Variants in RPL18 observed in about 807,000 individuals in gnomAD.
The protein encoded by RPL18 is large ribosomal subunit protein eL18.
RPL18 carries 4 observed loss-of-function variants against 25.0 expected under a neutral mutation model. The observed-to-expected ratio is 0.16, with a 90% confidence interval of 0.08 to 0.37. The LOEUF (loss-of-function observed/expected upper bound fraction) is 0.37. RPL18 is among the 10% of genes least tolerant of loss of function. The probability of loss-of-function intolerance (pLI) is 1.00; values close to 1 mark genes in which losing one functional copy is unlikely to be tolerated. For missense variants in RPL18, 179 were observed against 267.9 expected (o/e 0.67, Z 2.32); for synonymous variants, 129 against 101.6 (o/e 1.27, Z -1.62).
chr19:48,616,200 T>C lies in RPL18; in HGVS notation c.300A>G (p.Val100=), dbSNP rs1974166579. 5.6e-6 allele frequency: 9 copies of C among 1,613,616 alleles called. No homozygotes were observed. Among genetic ancestry groups the C allele is most frequent in the Non-Finnish European group, 7.6e-6 (9 of 1,179,956 alleles). Residue 100 remains valine (V), a splice_region_variant and synonymous_variant, in exon 5 of 7, where the codon GTA becomes GTG. Transcript: ENST00000549920. Reference sequence around the variant, plus strand: ...CCCGGCTGGTCACGCGCAGTGCACATACCTGGTGGAGAGGACAAGGCTGGC... The same window carrying C: ...CCCGGCTGGTCACGCGCAGTGCACACACCTGGTGGAGAGGACAAGGCTGGC... ...VRVQEVPKLK[V]CALRVTSRAR...
chr19:48,616,801 G>T lies in RPL18; in HGVS notation c.222C>A (p.Gly74=). 1 of 1,613,662 alleles carries T rather than the reference G, an allele frequency of 6.2e-7. No homozygotes were observed. Among genetic ancestry groups the T allele is most frequent in the Non-Finnish European group, 8.5e-7 (1 of 1,179,816 alleles). Residue 74 remains glycine (G), a synonymous_variant, in exon 4 of 7, where the codon GGC becomes GGA. Coordinates refer to ENST00000549920, the MANE Select transcript of RPL18 (RefSeq NM_000979.4). ...SRMIRKMKLP[G]RENKTAVVVG... is the part of the protein sequence containing the mutation. The stretch of plus-strand genomic sequence containing the variant: ...CAACCACGGCCGTCTTGTTTTCCCG[G>T]CCAGGAAGCTTCATCTTCCGGATCT...
intron 6 of RPL18, 39 bp downstream of exon 6, chr19:48,615,819 GGCCTGGCCCTGCAGGCTGA>G: frequency 6.7e-7 from 1 of 1,482,616 alleles, no homozygotes; most frequent in Admixed American, 1.9e-5. Context: ...AGTGTGGCCA[GGCCTGGCCCTGCAGGCTGA>G]GTCTGGGGAG....
intron 1 of RPL18, chr19:48,618,138 A>G (rs1017310545): frequency 1.2e-5 from 4 of 333,720 alleles, no homozygotes; most frequent in Non-Finnish European, 2.2e-5. Context: ...AAAAAGGTCA[A>G]TTCTTTACAA....
Position 48,615,925 on chromosome 19 carries a change from A to C in RPL18, c.443T>G (p.Val148Gly), listed in dbSNP as rs1344626086. The C allele has an allele frequency of 3.7e-6, 6 of 1,613,550 alleles. No homozygotes were observed. Among genetic ancestry groups the C allele is most frequent in the Non-Finnish European group, 4.2e-6 (5 of 1,179,782 alleles). Residue 148 changes from valine (V) to glycine (G), a missense_variant, in exon 6 of 7, where the codon GTG (valine) becomes GGG (glycine). Physicochemically the swap from Val to Gly is moderately radical, Grantham distance 109 (BLOSUM62 -3). Transcript: ENST00000549920. Reference sequence around the variant, plus strand: ...TGGGGCCTTGCCGAAATGCCGGTACACCTCTCGGCCCTTGCGAGGACCTAG... The same window carrying C: ...TGGGGCCTTGCCGAAATGCCGGTACCCCTCTCGGCCCTTGCGAGGACCTAG... ...LLSGPRKGRE[V>G]YRHFGKAPGT...
At position 48,617,309 on chromosome 19, in the gene RPL18, C is replaced by A. The variant is rs773039336; in HGVS notation, c.198+7G>T. ...GGTCTACCGTGCTCTCTGGACCAGC[C>A]ACTCACCATCCGGGAAAGGGACAGA... On this transcript the variant is annotated splice_region_variant and intron_variant, in intron 3 of 6. Coordinates refer to ENST00000549920, the MANE Select transcript of RPL18 (RefSeq NM_000979.4). 17 of 1,610,744 alleles carry A rather than the reference C, an allele frequency of 1.1e-5. No individual in the cohort carries two copies. Among genetic ancestry groups the A allele is most frequent in the Non-Finnish European group, 1.4e-5 (17 of 1,176,896 alleles).
intron 6 of RPL18, 66 bp downstream of exon 6, chr19:48,615,811 T>C (rs1393046833): frequency 4.9e-6 from 7 of 1,414,568 alleles, no homozygotes; most frequent in African/African-American, 1.4e-5. Flanking sequence ...GCAGCCCAAG[T>C]GTGGCCAGGC....
chr19:48,616,448 G>A, intron 4 of RPL18: 1 of 656,468 alleles, frequency 1.5e-6, no homozygotes, highest in South Asian at 1.7e-5. Flanking sequence ...GTGCAGAGGT[G>A]ACAAAGGAGT....
chr19:48,617,995 C>A (rs182538312), intron 1 of RPL18, 118 bp from the exon 2 acceptor site: 2 of 708,310 alleles, frequency 2.8e-6, no homozygotes, highest in Non-Finnish European at 4.9e-6. Context: ...CAGCTCAAAT[C>A]CCAGGCCCAC....
chr19:48,617,993 A>C, intron 1 of RPL18, 116 bp from the exon 2 acceptor site: 1 of 727,632 alleles, frequency 1.4e-6, no homozygotes, highest in Non-Finnish European at 2.3e-6. Context: ...ACCAGCTCAA[A>C]TCCCAGGCCC....
chr19:48,618,192 G>C (rs186325285), intron 1 of RPL18: 2 of 235,054 alleles, frequency 8.5e-6, no homozygotes, highest in East Asian at 1.1e-4. Flanking sequence ...TCCCATACCC[G>C]GAGGGATAAC....
chr19:48,615,939 G>A lies in RPL18; in HGVS notation c.429C>T (p.Arg143=). 6.2e-7 allele frequency: 1 copy of A among 1,613,992 alleles called. No homozygotes were observed. Among genetic ancestry groups the A allele is most frequent in the Middle Eastern group, 1.7e-4 (1 of 6,060 alleles). Reference sequence around the variant, plus strand: ...AATGCCGGTACACCTCTCGGCCCTTGCGAGGACCTAGGGAAGGGGAAGGAG... The same window carrying A: ...AATGCCGGTACACCTCTCGGCCCTTACGAGGACCTAGGGAAGGGGAAGGAG... ...GCGTVLLSGP[R]KGREVYRHFG... Residue 143 remains arginine, a synonymous_variant, in exon 6 of 7, where the codon CGC becomes CGT. Coordinates refer to ENST00000549920, the MANE Select transcript of RPL18 (RefSeq NM_000979.4).
chr19:48,618,069 A>G (rs887263354), intron 1 of RPL18, 192 bp from the exon 2 acceptor site: 30 of 535,164 alleles, frequency 5.6e-5, no homozygotes, highest in African/African-American at 5.6e-4. Context: ...CAAAGCCTTC[A>G]GCCCATGGCA....
Position 48,615,341 on chromosome 19 carries a change from A to G in RPL18, c.*31T>C. ...ACACACACAGAGCACTGTCAGCAAA[A>G]ATCTTTTTAATAAGAGAGTAGGATC... On this transcript the variant is annotated 3_prime_UTR_variant, in exon 7 of 7. Coordinates refer to ENST00000549920, the MANE Select transcript of RPL18 (RefSeq NM_000979.4). 6.4e-7 allele frequency: 1 copy of G among 1,554,878 alleles called. No homozygotes were observed. Among genetic ancestry groups the G allele is most frequent in the Non-Finnish European group, 8.8e-7 (1 of 1,134,118 alleles).
At chr19:48,616,863 T>C (rs1974192441) in intron 3 of RPL18, 39 bp from the exon 4 acceptor site, 1 of 1,509,742 alleles carries the variant, frequency 6.6e-7, no homozygotes. Context: ...GTTGTTCTGG[T>C]GTTTACATTC....
At chr19:48,615,717 C>T in intron 6 of RPL18, 160 bp downstream of exon 6, 1 of 700,614 alleles carries the variant, frequency 1.4e-6, no homozygotes, top group Admixed American at 2.3e-5. Flanking sequence ...CAGCTCCAAG[C>T]AGTGTTGAAG....
chr19:48,618,881 T>C (rs1268712408), intron 1 of RPL18: 1 of 543,776 alleles, frequency 1.8e-6, no homozygotes, highest in Non-Finnish European at 3.3e-6. Context: ...GTCGGAATCC[T>C]GGCTCTGCCA....
At chr19:48,617,449 A>C in intron 2 of RPL18, 26 bp from the exon 3 acceptor site, 1 of 1,542,216 alleles carries the variant, frequency 6.5e-7, no homozygotes, top group East Asian at 2.2e-5. Flanking sequence ...GACAGTGAGA[A>C]GCTGGGACAG....
At position 48,616,643 on chromosome 19, in the gene RPL18, CCAGCACAGCA is replaced by C. The variant is rs58972118; in HGVS notation, c.297+73_297+82del. On this transcript the variant is annotated intron_variant, in intron 4 of 6. Transcript: ENST00000549920. ...CAGCGGTGGCAAGACTGAGGATGGA[CCAGCACAGCA>C]CAGCACAGCACAGCACAGCACAGCA... 2,127 of 929,536 alleles carry C rather than the reference CCAGCACAGCA, an allele frequency of 2.3e-3. 12 individuals are homozygous for C. Among genetic ancestry groups the C allele is most frequent in the Middle Eastern group, 0.015 (67 of 4,468 alleles). 57.6% of individuals were successfully genotyped at this position (929,536 alleles called of 1,614,324 possible).
Position 48,615,693 on chromosome 19 carries a change from G to C in RPL18, c.491+184C>G, listed in dbSNP as rs554135908. ...ATGCTCCCCAGGAGATGCCTGCTCA[G>C]GCCCTGGAAAACACAGCTCCAAGCA... On this transcript the variant is annotated intron_variant, in intron 6 of 6. Transcript: ENST00000549920. 9.8e-5 allele frequency: 65 copies of C among 665,408 alleles called. No homozygotes were observed. The Admixed American group carries it at 1.7e-3, about 17-fold the overall frequency. The allele number at this position is 665,408 out of a possible 1,614,324, so 41.2% of individuals were successfully genotyped here. A position where few individuals can be genotyped will look rare whatever the true frequency, so the allele number is the denominator to read the frequency against.
Sources: gnomAD v4.1 joint callset for allele counts on GRCh38, gnomAD v4.1.1 for gene constraint, MANE v1.5 for transcripts, NCBI Gene and HGNC (gene_info 2026-07-23, HGNC 2026-07-21) for gene names.